The following FBXL19 variants were observed in gnomAD, a reference collection of about 807,000 sequenced individuals.
FBXL19 encodes F-box/LRR-repeat protein 19.
Under a neutral mutation model 71.2 loss-of-function variants are expected in FBXL19, and 16 were observed. That is an observed-to-expected ratio of 0.22 (90% CI 0.15 to 0.34). The LOEUF is 0.34. Ranked by LOEUF, FBXL19 falls within the 10% of genes least tolerant of loss-of-function variation. FBXL19 has a pLI of 1.00. For missense variants in FBXL19, 658 were observed against 968.2 expected (o/e 0.68, Z 4.25); for synonymous variants, 447 against 409.4 (o/e 1.09, Z -1.11).
Position 30,924,493 on chromosome 16 carries a change from C to G in FBXL19, c.-25+34C>G, listed in dbSNP as rs1013706891. Reference sequence around the variant, plus strand: ...ATGCGGCTCCTCCTCACCCCCAGACCTGGGCAGCGCCCACTCCCATTCATC... The same window carrying G: ...ATGCGGCTCCTCCTCACCCCCAGACGTGGGCAGCGCCCACTCCCATTCATC... On this transcript the variant is annotated intron_variant, in intron 1 of 10. Coordinates refer to ENST00000338343, the MANE Select transcript of FBXL19 (RefSeq NM_001382779.1). 2.0e-5 allele frequency: 13 copies of G among 639,704 alleles called. No individual in the cohort carries two copies. In the African/African-American group the frequency reaches 2.3e-4, roughly 11 times the overall value. The allele number at this position is 639,704 out of a possible 1,614,324, so 39.6% of individuals were successfully genotyped here. A position where few individuals can be genotyped will look rare whatever the true frequency, so the allele number is the denominator to read the frequency against.
chr16:30,925,760 G>A lies in FBXL19; in HGVS notation c.6G>A (p.Ser2=). The change falls in exon 2 of 11, where the codon TCG becomes TCA. Residue 2 remains serine (S), a synonymous_variant. Transcript: ENST00000338343. This position sits in a 1 kb window ranked among gnomAD's most constrained non-coding sequence, Gnocchi z 5.0. ...CGGCGTTGCTGACGCCCCCAATGTC[G>A]TCGAGCAGCCGGGGGCCGGGGGCCG... M[S]SSSRGPGAGA... The A allele has an allele frequency of 9.4e-6, 14 of 1,483,514 alleles. No homozygotes were observed. Among genetic ancestry groups the A allele is most frequent in the South Asian group, 1.3e-5 (1 of 74,934 alleles). 91.9% of individuals were successfully genotyped at this position (1,483,514 alleles called of 1,614,324 possible).
At chr16:30,935,152 TG>T (rs1477092522) in intron 7 of FBXL19, among the ~76,000 whole-genome samples, 1 of 152,136 alleles carries the variant, frequency 6.6e-6, no homozygotes. Flanking sequence ...CTCTGGGGGT[TG>T]GGGGTCCAAA....
chr16:30,935,460 A>C (rs944671395), intron 7 of FBXL19, among the ~76,000 whole-genome samples: 4 of 152,102 alleles, frequency 2.6e-5, no homozygotes, highest in Non-Finnish European at 5.9e-5. Flanking sequence ...TGAAGAGTGG[A>C]GAGAGGGCAG....
chr16:30,942,806 G>A lies in FBXL19; in HGVS notation c.1627+270G>A, dbSNP rs970262226. Reference sequence around the variant, plus strand: ...GGCAGGAGGCCCATATTGGCAGAGGGGGATGCTGGGAGCAGAGGCCATCTC... The same window carrying A: ...GGCAGGAGGCCCATATTGGCAGAGGAGGATGCTGGGAGCAGAGGCCATCTC... On this transcript the variant is annotated intron_variant, in intron 9 of 10. Coordinates refer to ENST00000338343, the MANE Select transcript of FBXL19 (RefSeq NM_001382779.1). The surrounding 1 kb of genome is among the most constrained non-coding windows in gnomAD (Gnocchi z 5.7). Among the ~76,000 whole-genome samples, 7 of 152,296 alleles carry A rather than the reference G, an allele frequency of 4.6e-5. No homozygotes were observed. In the East Asian group the frequency reaches 1.4e-3, roughly 29 times the overall value.
chr16:30,937,971 CAGAA>C (rs1240793565), intron 7 of FBXL19, among the ~76,000 whole-genome samples: 3 of 152,204 alleles, frequency 2.0e-5, no homozygotes, highest in South Asian at 4.1e-4. Flanking sequence ...TTCTTGCTCA[CAGAA>C]AGAGCAAAGG....
chr16:30,923,067 G>A, upstream of FBXL19: 1 of 456,790 alleles, frequency 2.2e-6, no homozygotes, highest in Non-Finnish European at 4.4e-6. Context: ...CTTGCTTGTA[G>A]TCCTCTTTCC....
rs1315172075 is a variant in FBXL19, at chr16:30,927,672, C to G, written c.408+13C>G. ...CCGCACCAGCAAGGTAGGGGCTGGG[C>G]TGGGCTGAGCTGTGGGTAGGTGGGT... On this transcript the variant is annotated intron_variant, in intron 4 of 10. Coordinates refer to ENST00000338343, the MANE Select transcript of FBXL19 (RefSeq NM_001382779.1). The G allele has an allele frequency of 2.5e-5, 39 of 1,562,338 alleles. No individual in the cohort carries two copies. The highest frequency in any genetic ancestry group is 3.4e-5 in the Non-Finnish European group (39 of 1,153,592).
At position 30,925,425 on chromosome 16, in the gene FBXL19, C is replaced by G. The variant is rs2055579494; in HGVS notation, c.-24-306C>G. On this transcript the variant is annotated intron_variant, in intron 1 of 10. Transcript: ENST00000338343. The surrounding 1 kb of genome is among the most constrained non-coding windows in gnomAD (Gnocchi z 5.0). ...GAGTGCCTGGCCTTTCCAAGGAGCT[C>G]CGGTGTGGGGATGGCAGAGGAGAGG... Among the ~76,000 whole-genome samples the G allele has an allele frequency of 6.6e-6, 1 of 152,052 alleles. No homozygotes were observed. The highest frequency in any genetic ancestry group is 1.9e-4 in the East Asian group (1 of 5,184).
chr16:30,947,192 C>G lies in FBXL19; in HGVS notation c.1987C>G (p.Arg663Gly). The G allele has an allele frequency of 6.3e-7, 1 of 1,598,762 alleles. No individual in the cohort carries two copies. Among genetic ancestry groups the G allele is most frequent in the Non-Finnish European group, 8.5e-7 (1 of 1,179,294 alleles). The change falls in exon 11 of 11, where the codon CGC (arginine) becomes GGC (glycine). Residue 663 changes from arginine to glycine, a missense_variant. By Grantham distance (125) the Arg-to-Gly change is moderately radical. This residue lies in a region of FBXL19 where 69 missense variants were observed against 177.8 expected (regional missense o/e 0.39). Coordinates refer to ENST00000338343, the MANE Select transcript of FBXL19 (RefSeq NM_001382779.1). ...LAAAGPPGPF[R>G]CPEEKLLLKD... The stretch of plus-strand genomic sequence containing the variant: ...AGCTGCCGGGCCCCCTGGCCCCTTC[C>G]GCTGCCCTGAGGAGAAGCTGCTTCT...
Position 30,942,054 on chromosome 16 carries a change from G to A in FBXL19, c.1302-62G>A, listed in dbSNP as rs1214234480. 1 of 1,454,882 alleles carries A rather than the reference G, an allele frequency of 6.9e-7. No individual in the cohort carries two copies. Among genetic ancestry groups the A allele is most frequent in the East Asian group, 2.5e-5 (1 of 40,502 alleles). The allele number at this position is 1,454,882 out of a possible 1,614,324, so 90.1% of individuals were successfully genotyped here. A position where few individuals can be genotyped will look rare whatever the true frequency, so the allele number is the denominator to read the frequency against. On this transcript the variant is annotated intron_variant, in intron 7 of 10. Coordinates refer to ENST00000338343, the MANE Select transcript of FBXL19 (RefSeq NM_001382779.1). The surrounding 1 kb of genome is among the most constrained non-coding windows in gnomAD (Gnocchi z 5.7). Reference sequence around the variant, plus strand: ...GTGCACCCTTGGAGCTGGGGAGCCTGGGAACTGTGGGCTGCTGAGAGCTGA... The same window carrying A: ...GTGCACCCTTGGAGCTGGGGAGCCTAGGAACTGTGGGCTGCTGAGAGCTGA...
In FBXL19 at chr16:30,947,107, A is replaced by G. The variant is rs983476075; in HGVS notation, c.1902A>G (p.Leu634=). The part of the protein sequence containing the change: ...CLPLFRRCPR[L]RRLDLRSCRQ... ...CGCTGTTCCGCCGCTGCCCTCGTCT[A>G]CGCCGCCTAGACCTGCGCTCCTGCC... is the stretch of plus-strand genomic sequence containing the variant. The change falls in exon 11 of 11, where the codon CTA becomes CTG. Residue 634 remains leucine, a synonymous_variant. Coordinates refer to ENST00000338343, the MANE Select transcript of FBXL19 (RefSeq NM_001382779.1). 6.3e-6 allele frequency: 10 copies of G among 1,598,978 alleles called. No homozygotes were observed. The African/African-American group carries it at 1.1e-4, about 17-fold the overall frequency.
chr16:30,940,633 C>G (rs532343062), intron 7 of FBXL19, among the ~76,000 whole-genome samples: 16 of 152,048 alleles, frequency 1.1e-4, no homozygotes, highest in Admixed American at 9.9e-4. Context: ...TTGAGAGGCC[C>G]TTCTCCAGTT....
chr16:30,926,015 C>T (rs974828114), intron 2 of FBXL19, 84 bp downstream of exon 2: 1 of 1,368,892 alleles, frequency 7.3e-7, no homozygotes, highest in Admixed American at 3.8e-5. Flanking sequence ...CCAGCCTGTA[C>T]TGTGGAGTGG....
intron 5 of FBXL19, 136 bp downstream of exon 5, chr16:30,928,099 A>C: frequency 2.3e-6 from 1 of 432,148 alleles, no homozygotes; most frequent in Non-Finnish European, 4.0e-6. Flanking sequence ...GATGTAGTTC[A>C]GGAGTTGGGT....
rs1217231552 is a variant in FBXL19, at chr16:30,947,870, C to G, written c.*640C>G. 2.2e-6 allele frequency: 1 copy of G among 454,142 alleles called. No individual in the cohort carries two copies. The highest frequency in any genetic ancestry group is 4.4e-6 in the Non-Finnish European group (1 of 225,772). 28.1% of individuals were successfully genotyped at this position (454,142 alleles called of 1,614,324 possible). A position where few individuals can be genotyped will look rare whatever the true frequency, so the allele number is the denominator to read the frequency against. ...CAGGCTTCAGTTCCTTCCCCCTGAC[C>G]CTGACTCCTTGAACGTCACTGAAAA... is the stretch of plus-strand genomic sequence containing the variant. On this transcript the variant is annotated 3_prime_UTR_variant, in exon 11 of 11. Coordinates refer to ENST00000338343, the MANE Select transcript of FBXL19 (RefSeq NM_001382779.1).
At chr16:30,934,171 C>T (rs1283588791) in intron 7 of FBXL19, among the ~76,000 whole-genome samples, 7 of 151,926 alleles carry the variant, frequency 4.6e-5, no homozygotes, top group Admixed American at 1.3e-4. Context: ...AGACCAGCCT[C>T]GCCAACATGG....
chr16:30,940,191 G>A (rs2055785926), intron 7 of FBXL19, among the ~76,000 whole-genome samples: 1 of 151,876 alleles, frequency 6.6e-6, no homozygotes, highest in Non-Finnish European at 1.5e-5. Context: ...TTGGGAGATG[G>A]TGGTTTCAGT....
rs2055607747 is a variant in FBXL19, at chr16:30,927,613, A to C, written c.362A>C (p.Asn121Thr). Residue 121 changes from asparagine to threonine, a missense_variant, in exon 4 of 11, where the codon AAC becomes ACC. Coordinates refer to ENST00000338343, the MANE Select transcript of FBXL19 (RefSeq NM_001382779.1). ...GGTGTCATCAATGCAGAGATCCCCAACTGCTGGGAGTGCCCTCGCTGCACC... is the reference window on the plus strand; with the variant it reads ...GGTGTCATCAATGCAGAGATCCCCACCTGCTGGGAGTGCCCTCGCTGCACC... The part of the protein sequence containing the change: ...AEGVINAEIP[N>T]CWECPRCTQE... 6.4e-7 allele frequency: 1 copy of C among 1,563,826 alleles called. No homozygotes were observed. Among genetic ancestry groups the C allele is most frequent in the African/African-American group, 1.4e-5 (1 of 73,544 alleles).
At position 30,925,889 on chromosome 16, in the gene FBXL19, C is replaced by T. The variant is rs372946911; in HGVS notation, c.135C>T (p.Pro45=). 41 of 1,502,376 alleles carry T rather than the reference C, an allele frequency of 2.7e-5. 1 individual carries two copies. The highest frequency in any genetic ancestry group is 4.3e-5 in the African/African-American group (3 of 69,090). 93.1% of individuals were successfully genotyped at this position (1,502,376 alleles called of 1,614,324 possible). The change falls in exon 2 of 11, where the codon CCC becomes CCT. Residue 45 remains proline, a synonymous_variant. Transcript: ENST00000338343. This position sits in a 1 kb window ranked among gnomAD's most constrained non-coding sequence, Gnocchi z 5.0. The part of the protein sequence containing the change: ...FCRDMKKFGG[P]GRMKQSCLLR... ...GAGACATGAAGAAGTTCGGGGGGCC[C>T]GGGCGCATGAAGCAGTCGTGCCTGC... is the stretch of plus-strand genomic sequence containing the variant.
Sources: allele counts gnomAD v4.1 joint callset (sites outside exome capture counted in the v4.1 genomes callset), GRCh38; gene constraint gnomAD v4.1.1; regional missense constraint gnomAD v4.1.1; non-coding constraint Gnocchi (gnomAD v3.1); transcripts MANE v1.5; gene names NCBI Gene and HGNC (gene_info 2026-07-23, HGNC 2026-07-21).